Variants in ADGRG4 observed in about 807,000 individuals in gnomAD.
ADGRG4 encodes adhesion G protein-coupled receptor G4.
Under a neutral mutation model 126.2 loss-of-function variants are expected in ADGRG4, and 122 were observed. The ratio of observed to expected loss-of-function variants is 0.97; its 90% CI spans 0.83 to 1.12. ADGRG4 has a LOEUF of 1.12. Among genes scored for constraint, ADGRG4 ranks in the 50% most tolerant of loss-of-function variants. The pLI is 0.00. For synonymous variants in ADGRG4, 943 were observed against 838.7 expected (o/e 1.12, Z -2.15); for missense variants, 2,481 against 2,251.8 (o/e 1.10, Z -2.06).
intron 24 of ADGRG4, 87 bp downstream of exon 24, chrX:136,412,453 C>T (rs1234847066): frequency 3.6e-6 from 2 of 556,230 alleles, no homozygotes; most frequent in Non-Finnish European, 3.1e-6. Context: ...TGAGTACTTA[C>T]AGCATATCAG....
chrX:136,332,709 G>C (rs1221409964), intron 5 of ADGRG4, among the ~76,000 whole-genome samples: 17 of 106,092 alleles, frequency 1.6e-4, no homozygotes, highest in Admixed American at 7.1e-4. Flanking sequence ...TAACTGGTGT[G>C]AGATGGTATC....
At chrX:136,407,394 AC>A (rs2075419969) in intron 23 of ADGRG4, among the ~76,000 whole-genome samples, 3 of 111,447 alleles carry the variant, frequency 2.7e-5, no homozygotes, top group Admixed American at 9.5e-5. Flanking sequence ...AAACCTCTGA[AC>A]CTTTTATTGT....
At chrX:136,366,770 A>T (rs925906803) in intron 13 of ADGRG4, among the ~76,000 whole-genome samples, 14 of 111,885 alleles carry the variant, frequency 1.3e-4, no homozygotes, top group Non-Finnish European at 2.4e-4. Flanking sequence ...TTAATTTGCA[A>T]TTCCTTAATG....
At chrX:136,315,140 A>C (rs1175030743) in intron 4 of ADGRG4, among the ~76,000 whole-genome samples, 1 of 110,255 alleles carries the variant, frequency 9.1e-6, no homozygotes, top group African/African-American at 3.3e-5. Flanking sequence ...TCTAAGGATT[A>C]GCCTGGTTAC....
In ADGRG4 at chrX:136,345,983, A is replaced by G. The variant is rs139170176; in HGVS notation, c.2277A>G (p.Leu759=). ...TNMPEFKLTT[L]LLKTIPMSTK... ...TGCCTGAATTTAAACTTACCACTTTACTACTAAAAACAATACCTATGTCTA... is the reference window on the plus strand; with the variant it reads ...TGCCTGAATTTAAACTTACCACTTTGCTACTAAAAACAATACCTATGTCTA... Residue 759 remains leucine (L), a synonymous_variant, in exon 6 of 26, where the codon TTA becomes TTG. Coordinates refer to ENST00000394143, the MANE Select transcript of ADGRG4 (RefSeq NM_153834.4). The G allele has an allele frequency of 2.9e-5, 35 of 1,207,108 alleles. No individual in the cohort carries two copies. The African/African-American group carries it at 6.0e-4, about 21-fold the overall frequency.
At chrX:136,337,963 TC>T (rs765463884) in intron 5 of ADGRG4, among the ~76,000 whole-genome samples, 14 of 111,333 alleles carry the variant, frequency 1.3e-4, no homozygotes, top group Non-Finnish European at 2.6e-4. Context: ...TTTGTTATTG[TC>T]CCACAGGTCC....
At chrX:136,332,394 C>A in intron 5 of ADGRG4, among the ~76,000 whole-genome samples, 1 of 102,649 alleles carries the variant, frequency 9.7e-6, no homozygotes, top group East Asian at 3.1e-4. Flanking sequence ...TTTTCTTAAT[C>A]CAGTCTATCG....
intron 5 of ADGRG4, among the ~76,000 whole-genome samples, chrX:136,336,100 A>AT (rs1373822402): frequency 9.0e-6 from 1 of 111,403 alleles, no homozygotes; most frequent in Non-Finnish European, 1.9e-5. Context: ...AATGTTTTAA[A>AT]TTTTTTTTGT....
chrX:136,326,462 T>C (rs775927571), intron 5 of ADGRG4, among the ~76,000 whole-genome samples: 6 of 112,014 alleles, frequency 5.4e-5, no homozygotes, highest in Non-Finnish European at 1.1e-4. Flanking sequence ...TTTGAACAGA[T>C]TGGTCTGGTT....
At chrX:136,307,936 T>C (rs760683478) in intron 3 of ADGRG4, among the ~76,000 whole-genome samples, 104 of 112,679 alleles carry the variant, frequency 9.2e-4, no homozygotes, top group Middle Eastern at 4.6e-3. Context: ...AAATGGTGAT[T>C]AGATTTCTCT....
chrX:136,403,018 G>A (rs1007847267), intron 21 of ADGRG4, among the ~76,000 whole-genome samples: 3 of 112,545 alleles, frequency 2.7e-5, no homozygotes, highest in Non-Finnish European at 5.6e-5. Flanking sequence ...ACTAGTGGGC[G>A]TTGTATTGGA....
At position 136,349,838 on chromosome X, in the gene ADGRG4, A is replaced by G. The variant is rs912676361; in HGVS notation, c.6132A>G (p.Thr2044=). ...AGGTGTCAAAATCAACATTTCTGAC[A>G]TCTGACATGATATCAGCGCACCCAT... ...TVEVSKSTFL[T]SDMISAHPFT... Residue 2044 remains threonine (T), a synonymous_variant, in exon 6 of 26, where the codon ACA becomes ACG. Coordinates refer to ENST00000394143, the MANE Select transcript of ADGRG4 (RefSeq NM_153834.4). 2.5e-6 allele frequency: 3 copies of G among 1,210,324 alleles called. No homozygotes were observed. Among genetic ancestry groups the G allele is most frequent in the Non-Finnish European group, 3.4e-6 (3 of 894,664 alleles).
chrX:136,323,430 G>A, intron 5 of ADGRG4, 38 bp downstream of exon 5: 1 of 1,150,356 alleles, frequency 8.7e-7, no homozygotes, highest in Non-Finnish European at 1.2e-6. Context: ...AGCAAGGGTA[G>A]TGTTGACACA....
Position 136,349,812 on chromosome X carries a change from G to A in ADGRG4, c.6106G>A (p.Glu2036Lys), listed in dbSNP as rs760040312. 8.3e-7 allele frequency: 1 copy of A among 1,208,341 alleles called. No individual in the cohort carries two copies. The highest frequency in any genetic ancestry group is 1.8e-5 in the African/African-American group (1 of 56,787). Residue 2036 changes from glutamate to lysine, a missense_variant, in exon 6 of 26, where the codon GAG becomes AAG. By Grantham distance (56) the Glu-to-Lys change is moderately conservative (BLOSUM62 1). Transcript: ENST00000394143. The part of the protein sequence containing the change: ...APHVMTSSTV[E>K]VSKSTFLTSD... ...TCATGTTATGACTTCCTCTACAGTA[G>A]AGGTGTCAAAATCAACATTTCTGAC...
intron 12 of ADGRG4, among the ~76,000 whole-genome samples, chrX:136,362,629 A>G (rs987939258): frequency 9.0e-6 from 1 of 111,144 alleles, no homozygotes. Flanking sequence ...CGCTCCAGTC[A>G]AAATGACCAT....
At chrX:136,413,822 C>A (rs749009545) in intron 24 of ADGRG4, among the ~76,000 whole-genome samples, 1 of 108,652 alleles carries the variant, frequency 9.2e-6, no homozygotes, top group African/African-American at 3.4e-5. Context: ...CTCACCGCAA[C>A]TTCCGCCTCC....
intron 15 of ADGRG4, among the ~76,000 whole-genome samples, chrX:136,375,420 G>A (rs925523777): frequency 8.9e-6 from 1 of 111,902 alleles, no homozygotes; most frequent in Non-Finnish European, 1.9e-5. Context: ...ATTGCTAGAT[G>A]GAATGGTAGT....
chrX:136,302,720 T>C (rs2074709722), intron 1 of ADGRG4, among the ~76,000 whole-genome samples: 1 of 112,045 alleles, frequency 8.9e-6, no homozygotes, highest in South Asian at 3.7e-4. Flanking sequence ...TGAATACTGT[T>C]ATGCTTGAAA....
At position 136,361,504 on chromosome X, in the gene ADGRG4, C is replaced by CTATTATAAATAAGTGGCTAT. The variant is rs763905107; in HGVS notation, c.7197_7198insTATAAATAAGTGGCTATTAT (p.Lys2400TyrfsTer3). On this transcript the variant is annotated stop_gained and frameshift_variant, in exon 12 of 26. Coordinates refer to ENST00000394143, the MANE Select transcript of ADGRG4 (RefSeq NM_153834.4). LOFTEE classifies it high-confidence loss of function. ...AAACAGCCTCTAAATACAAAGGGACCTATAAGTGGCTATTAACCAACCCTA... is the reference window on the plus strand; with the variant it reads ...AAACAGCCTCTAAATACAAAGGGACCTATTATAAATAAGTGGCTATTATAAGTGGCTATTAACCAACCCTA... 3.4e-6 allele frequency: 4 copies of CTATTATAAATAAGTGGCTAT among 1,182,342 alleles called. No homozygotes were observed. The highest frequency in any genetic ancestry group is 4.6e-6 in the Non-Finnish European group (4 of 874,520).
Sources: gnomAD v4.1 joint callset for allele counts (sites outside exome capture counted in the v4.1 genomes callset) on GRCh38, gnomAD v4.1.1 for gene constraint, MANE v1.5 for transcripts, NCBI Gene and HGNC (gene_info 2026-07-23, HGNC 2026-07-21) for gene names.